The following LRP1B variants were observed in gnomAD, a reference collection of about 807,000 sequenced individuals.
LRP1B encodes the protein LDL receptor related protein 1B.
A neutral mutation model predicts 556.6 loss-of-function variants in LRP1B; 217 were observed. The ratio of observed to expected loss-of-function variants is 0.39; its 90% CI spans 0.35 to 0.44. The LOEUF is 0.44. Ranked by LOEUF, LRP1B falls within the 20% of genes least tolerant of loss-of-function variation. The probability of loss-of-function intolerance (pLI) is 1.00; values close to 1 mark genes in which losing one functional copy is unlikely to be tolerated. For synonymous variants in LRP1B, 2,047 were observed against 1,865.8 expected, an observed-to-expected ratio of 1.10 and a Z score of -2.50; for missense variants, 5,053 against 5,620.8, an observed-to-expected ratio of 0.90 and a Z score of 3.23.
At chr2:140,587,212 C>G (rs891593351) in intron 43 of LRP1B, among the ~76,000 whole-genome samples, 8 of 152,050 alleles carry the variant, frequency 5.3e-5, no homozygotes, top group African/African-American at 1.9e-4. Flanking sequence ...CTCCAGTGAC[C>G]TGTGAGACTA....
At chr2:141,201,322 A>C (rs1451453734) in intron 6 of LRP1B, among the ~76,000 whole-genome samples, 1 of 152,186 alleles carries the variant, frequency 6.6e-6, no homozygotes, top group Non-Finnish European at 1.5e-5. Flanking sequence ...TAAAACTGCC[A>C]CATCTTTTTA....
chr2:140,990,936 C>T (rs1019277487), intron 16 of LRP1B, among the ~76,000 whole-genome samples: 6 of 151,948 alleles, frequency 3.9e-5, no homozygotes, highest in African/African-American at 1.5e-4. Context: ...GTAGCAAATG[C>T]GTGCATTTCC....
At chr2:141,997,882 ACT>A (rs1328067487) in intron 1 of LRP1B, among the ~76,000 whole-genome samples, 2 of 151,422 alleles carry the variant, frequency 1.3e-5, no homozygotes, top group Non-Finnish European at 2.9e-5. Context: ...TTTGGAGGAA[ACT>A]CTGTTTTTCC....
chr2:141,552,243 A>G (rs1025868691), intron 2 of LRP1B, among the ~76,000 whole-genome samples: 15 of 152,012 alleles, frequency 9.9e-5, no homozygotes, highest in Admixed American at 3.3e-4. Flanking sequence ...TAAAAGCTAT[A>G]TTGGTGTCAT....
chr2:140,783,050 C>G (rs756238761), intron 32 of LRP1B, among the ~76,000 whole-genome samples: 3 of 152,140 alleles, frequency 2.0e-5, no homozygotes, highest in Non-Finnish European at 4.4e-5. Flanking sequence ...CTACTCAGTG[C>G]AAACATAACT....
At chr2:140,265,225 T>C (rs1206456504) in intron 86 of LRP1B, among the ~76,000 whole-genome samples, 4 of 152,146 alleles carry the variant, frequency 2.6e-5, no homozygotes, top group African/African-American at 7.2e-5. Context: ...GTGATTTCTA[T>C]AGCTTACAAT....
In LRP1B at chr2:142,115,527, A is replaced by ATATATATATAT. The variant is rs1553518930; in HGVS notation, c.82+15120_82+15121insATATATATATA. The stretch of plus-strand genomic sequence containing the variant: ...ATATATTATATATTACATATATAAT[A>ATATATATATAT]TATATATTACATATGTAATATATAT... On this transcript the variant is annotated intron_variant, in intron 1 of 90. Transcript: ENST00000389484. Among the ~76,000 whole-genome samples, 3 of 54,944 alleles carry ATATATATATAT rather than the reference A, an allele frequency of 5.5e-5. 1 individual carries two copies. The highest frequency in any genetic ancestry group is 7.2e-5 in the Non-Finnish European group (2 of 27,660). 36.0% of individuals were successfully genotyped at this position (54,944 alleles called of 152,430 possible). A position where few individuals can be genotyped will look rare whatever the true frequency, so the allele number is the denominator to read the frequency against.
chr2:140,739,238 A>G (rs1208324827), intron 35 of LRP1B, among the ~76,000 whole-genome samples: 1 of 152,222 alleles, frequency 6.6e-6, no homozygotes, highest in East Asian at 1.9e-4. Context: ...TGGAGAAAGA[A>G]CATTGTAGCC....
chr2:141,743,686 T>C (rs1196702537), intron 2 of LRP1B, among the ~76,000 whole-genome samples: 1 of 151,948 alleles, frequency 6.6e-6, no homozygotes. Flanking sequence ...ACTAAAGCCG[T>C]AATAAAATGT....
chr2:140,783,577 G>C (rs1689777300), intron 32 of LRP1B, among the ~76,000 whole-genome samples: 2 of 152,104 alleles, frequency 1.3e-5, no homozygotes, highest in Non-Finnish European at 1.5e-5. Flanking sequence ...ATTATACCTG[G>C]TCATGAGTTA....
At chr2:140,699,594 G>T (rs748876679) in intron 41 of LRP1B, among the ~76,000 whole-genome samples, 6 of 149,666 alleles carry the variant, frequency 4.0e-5, no homozygotes, top group Non-Finnish European at 8.9e-5. Context: ...ACATCAAGAA[G>T]AGAGAAGTTG....
At chr2:141,019,893 T>C in intron 12 of LRP1B, 29 bp downstream of exon 12, 1 of 1,453,606 alleles carries the variant, frequency 6.9e-7, no homozygotes, top group Non-Finnish European at 9.2e-7. Context: ...ATCATTTTTC[T>C]TATATAAAGC....
At chr2:141,291,887 A>T (rs1408076996) in intron 3 of LRP1B, among the ~76,000 whole-genome samples, 20 of 143,532 alleles carry the variant, frequency 1.4e-4, no homozygotes, top group African/African-American at 5.0e-4. Context: ...AAAAAAAAAA[A>T]AAACTTGTTT....
At chr2:140,470,415 G>A (rs528140762) in intron 60 of LRP1B, among the ~76,000 whole-genome samples, 7 of 152,016 alleles carry the variant, frequency 4.6e-5, no homozygotes, top group East Asian at 3.9e-4. Context: ...AGGCCTAGGC[G>A]GGCGAAAATC....
chr2:141,095,752 G>C (rs1221138937), intron 7 of LRP1B, among the ~76,000 whole-genome samples: 2 of 152,106 alleles, frequency 1.3e-5, no homozygotes, highest in Non-Finnish European at 2.9e-5. Context: ...TGATTTGCCT[G>C]TGCCATCCAG....
intron 43 of LRP1B, among the ~76,000 whole-genome samples, chr2:140,589,343 G>A (rs528023032): frequency 1.3e-5 from 2 of 152,166 alleles, no homozygotes; most frequent in South Asian, 4.1e-4. Flanking sequence ...AACTGTAAGT[G>A]GGAATGTAAA....
intron 3 of LRP1B, among the ~76,000 whole-genome samples, chr2:141,310,528 T>A (rs1237153619): frequency 1.3e-5 from 2 of 152,134 alleles, no homozygotes; most frequent in African/African-American, 4.8e-5. Flanking sequence ...TTCTAACAAG[T>A]GACACCTAGA....
chr2:141,178,068 A>G (rs1170353183), intron 7 of LRP1B, among the ~76,000 whole-genome samples: 1 of 152,132 alleles, frequency 6.6e-6, no homozygotes, highest in African/African-American at 2.4e-5. Context: ...AAATTCTACT[A>G]ATTTGCAAAC....
intron 1 of LRP1B, among the ~76,000 whole-genome samples, chr2:142,089,675 T>C (rs1706086379): frequency 6.6e-6 from 1 of 152,128 alleles, no homozygotes; most frequent in Admixed American, 6.5e-5. Context: ...TTAAATGCAA[T>C]AGCAGGAGAT....
Sources: gnomAD v4.1 joint callset for allele counts (sites outside exome capture counted in the v4.1 genomes callset) on GRCh38, gnomAD v4.1.1 for gene constraint, MANE v1.5 for transcripts, NCBI Gene and HGNC (gene_info 2026-07-23, HGNC 2026-07-21) for gene names.